PEAK1: variants seen among roughly 807,000 people sequenced by gnomAD.
PEAK1 encodes the protein pseudopodium enriched atypical kinase 1.
In PEAK1, 54 loss-of-function variants were observed where a neutral mutation model predicts 124.7. The observed-to-expected ratio is 0.43, with a 90% CI of 0.35 to 0.54. The LOEUF is 0.54. PEAK1 is among the 20% of genes least tolerant of loss of function. The pLI, the probability that PEAK1 is intolerant of heterozygous loss-of-function variation, is 0.01. For missense variants in PEAK1, 2,046 were observed against 2,134.5 expected (o/e 0.96, Z 0.82); for synonymous variants, 719 against 760.0 (o/e 0.95, Z 0.89).
chr15:77,102,309 A>T (rs2152701288), exon 7 of PEAK1: 1 of 152,260 alleles, frequency 6.6e-6, no homozygotes. Context: ...TTTTAATCCT[A>T]TGTCTGTTAT....
chr15:77,206,962 A>T (rs552833387), intron 6 of PEAK1, among the ~76,000 whole-genome samples: 2 of 152,286 alleles, frequency 1.3e-5, no homozygotes, highest in African/African-American at 4.8e-5. Context: ...ATAACGCCGC[A>T]TACCTACAAC....
exon 7 of PEAK1, chr15:77,101,584 G>A (rs1178173212): frequency 1.3e-5 from 2 of 152,148 alleles, no homozygotes; most frequent in Non-Finnish European, 2.9e-5. Flanking sequence ...CAAAACCAAG[G>A]CTCAGAGAAT....
chr15:77,341,984 T>A (rs569634863), intron 2 of PEAK1, among the ~76,000 whole-genome samples: 1 of 152,028 alleles, frequency 6.6e-6, no homozygotes, highest in Admixed American at 6.5e-5. Context: ...TAAATAAAAT[T>A]TAAGAAATAA....
At chr15:77,223,859 A>C (rs1190052853) in intron 6 of PEAK1, among the ~76,000 whole-genome samples, 2 of 151,220 alleles carry the variant, frequency 1.3e-5, no homozygotes, top group Admixed American at 1.3e-4. Flanking sequence ...GTTAATTTTG[A>C]AGGAAACCAA....
intron 2 of PEAK1, among the ~76,000 whole-genome samples, chr15:77,338,634 T>A (rs1046487429): frequency 3.5e-4 from 50 of 142,370 alleles, no homozygotes; most frequent in Non-Finnish European, 5.7e-4. Flanking sequence ...GAAAAATCTT[T>A]AAAAAAAAAA....
chr15:77,263,777 C>T (rs2061566503), intron 5 of PEAK1, among the ~76,000 whole-genome samples: 1 of 152,102 alleles, frequency 6.6e-6, no homozygotes, highest in Non-Finnish European at 1.5e-5. Context: ...CATCCTGATA[C>T]CAAAGCCTGG....
chr15:77,156,851 T>A (rs1044408853), intron 8 of PEAK1: 9 of 152,324 alleles, frequency 5.9e-5, no homozygotes, highest in Admixed American at 4.6e-4. Context: ...ATTTTCATTT[T>A]ATAATATGCC....
intron 1 of PEAK1, among the ~76,000 whole-genome samples, chr15:77,408,408 T>G (rs1422762148): frequency 1.4e-5 from 2 of 146,230 alleles, no homozygotes; most frequent in African/African-American, 2.6e-5. Context: ...GGGAGGGGGG[T>G]GAGGGGTACA....
intron 2 of PEAK1, among the ~76,000 whole-genome samples, chr15:77,323,151 C>A (rs1239425221): frequency 6.6e-6 from 1 of 152,074 alleles, no homozygotes; most frequent in Non-Finnish European, 1.5e-5. Context: ...TAAGAGCTAT[C>A]TATGACAAAC....
chr15:77,177,483 C>G (rs1169953811), intron 7 of PEAK1, among the ~76,000 whole-genome samples: 1 of 150,230 alleles, frequency 6.7e-6, no homozygotes, highest in African/African-American at 2.4e-5. Context: ...ATAAAACTTC[C>G]TAGCATTTTG....
intron 6 of PEAK1, among the ~76,000 whole-genome samples, chr15:77,232,455 AAG>A (rs967859070): frequency 1.2e-4 from 19 of 152,182 alleles, no homozygotes; most frequent in African/African-American, 4.1e-4. Context: ...ATTTTGAGAT[AAG>A]AGTTTCACCA....
chr15:77,349,532 T>C, intron 2 of PEAK1: 1 of 984,920 alleles, frequency 1.0e-6, no homozygotes, highest in Non-Finnish European at 1.2e-6. Flanking sequence ...GACTTACTTT[T>C]ATTCTGTTTG....
intron 1 of PEAK1, among the ~76,000 whole-genome samples, chr15:77,376,465 TCTC>T (rs1365844987): frequency 2.0e-5 from 3 of 152,044 alleles, no homozygotes; most frequent in African/African-American, 7.2e-5. Context: ...CTAGCAGAAC[TCTC>T]CTCCTCATAT....
At chr15:77,255,848 C>A (rs1337260389) in intron 5 of PEAK1, among the ~76,000 whole-genome samples, 1 of 152,116 alleles carries the variant, frequency 6.6e-6, no homozygotes, top group Admixed American at 6.6e-5. Context: ...AGCATTCTAA[C>A]AGGGGACTGA....
chr15:77,346,652 A>G, intron 2 of PEAK1: 1 of 985,068 alleles, frequency 1.0e-6, no homozygotes, highest in African/African-American at 1.7e-5. Flanking sequence ...AATGTCAAAA[A>G]TACAAAAATA....
chr15:77,196,306 A>G (rs1003404372), intron 6 of PEAK1, among the ~76,000 whole-genome samples: 3 of 152,242 alleles, frequency 2.0e-5, no homozygotes, highest in Non-Finnish European at 4.4e-5. Context: ...CATTGGAGAG[A>G]AAGGTATATA....
intron 3 of PEAK1, among the ~76,000 whole-genome samples, 188 bp downstream of exon 3, chr15:77,286,235 G>T (rs2062924441): frequency 6.6e-6 from 1 of 152,104 alleles, no homozygotes; most frequent in Non-Finnish European, 1.5e-5. Context: ...AGACTGTTAT[G>T]ATTTCTGTTC....
chr15:77,155,472 T>C (rs2055041297), intron 8 of PEAK1: 1 of 152,302 alleles, frequency 6.6e-6, no homozygotes, highest in African/African-American at 2.4e-5. Context: ...TCTGAAGCCT[T>C]CTTCTCTCAA....
chr15:77,117,109 T>C (rs879435400), intron 9 of PEAK1, among the ~76,000 whole-genome samples: 5 of 152,328 alleles, frequency 3.3e-5, no homozygotes, highest in Admixed American at 2.6e-4. Context: ...ATTATCCCCA[T>C]TGCCAGTTAA....
Sources: allele counts gnomAD v4.1 joint callset (sites outside exome capture counted in the v4.1 genomes callset), GRCh38; gene constraint gnomAD v4.1.1; transcripts MANE v1.5; gene names NCBI Gene and HGNC (gene_info 2026-07-23, HGNC 2026-07-21).